PLEKHG1: variants seen among roughly 807,000 people sequenced by gnomAD.
PLEKHG1 encodes pleckstrin homology and RhoGEF domain containing G1, also known as pleckstrin homology domain-containing family G member 1.
Under a neutral mutation model 100.8 loss-of-function variants are expected in PLEKHG1, and 44 were observed. The ratio of observed to expected loss-of-function variants is 0.44; its 90% CI spans 0.34 to 0.56. The LOEUF is 0.56. PLEKHG1 is among the 20% of genes least tolerant of loss of function. PLEKHG1 has a pLI of 0.01. For missense variants in PLEKHG1, 1,545 were observed against 1,720.9 expected, an observed-to-expected ratio of 0.90 and a Z score of 1.81; for synonymous variants, 640 against 662.5, an observed-to-expected ratio of 0.97 and a Z score of 0.52.
chr6:150,655,704 T>A (rs1582894029), intron 3 of PLEKHG1, among the ~76,000 whole-genome samples: 1 of 89,392 alleles, frequency 1.1e-5, no homozygotes. Context: ...TGAGACTCCA[T>A]CTCAAAAAAA....
At chr6:150,749,024 T>G (rs762682319) in intron 2 of PLEKHG1, among the ~76,000 whole-genome samples, 6 of 152,208 alleles carry the variant, frequency 3.9e-5, no homozygotes, top group African/African-American at 7.2e-5. Flanking sequence ...ATTCAGTAAG[T>G]TAATGCACAT....
At position 150,647,217 on chromosome 6, in the gene PLEKHG1, C is replaced by A. The variant is rs531823163; in HGVS notation, c.-157-3511C>A. Among the ~76,000 whole-genome samples the A allele has an allele frequency of 6.6e-5, 10 of 152,318 alleles. No homozygotes were observed. In the East Asian group the frequency reaches 1.7e-3, roughly 26 times the overall value. Reference sequence around the variant, plus strand: ...GCCTAACTCAGACCATTAAAAGCCACTTTACCTAGTCACATAGAATAACAA... The same window carrying A: ...GCCTAACTCAGACCATTAAAAGCCAATTTACCTAGTCACATAGAATAACAA... On this transcript the variant is annotated intron_variant, in intron 2 of 3. Coordinates refer to the PLEKHG1 transcript ENST00000367326.
At chr6:150,723,602 A>G (rs951068313) in intron 1 of PLEKHG1, among the ~76,000 whole-genome samples, 2 of 152,214 alleles carry the variant, frequency 1.3e-5, no homozygotes, top group East Asian at 3.9e-4. Flanking sequence ...CCATCTATAC[A>G]GTTTTCAAAA....
chr6:150,674,297 GT>G (rs1186292209), intron 3 of PLEKHG1, among the ~76,000 whole-genome samples: 1 of 152,070 alleles, frequency 6.6e-6, no homozygotes, highest in Non-Finnish European at 1.5e-5. Flanking sequence ...GTTGAAAAAG[GT>G]TTTTATTGTT....
At position 150,774,518 on chromosome 6, in the gene PLEKHG1, C is replaced by T. The variant is rs116746280; in HGVS notation, c.512+5780C>T. Among the ~76,000 whole-genome samples, 895 of 144,208 alleles carry T rather than the reference C, an allele frequency of 6.2e-3. 13 individuals are homozygous for T. The highest frequency in any genetic ancestry group is 0.022 in the African/African-American group (858 of 39,000). 94.6% of individuals were successfully genotyped at this position (144,208 alleles called of 152,430 possible). On this transcript the variant is annotated intron_variant, in intron 3 of 15. Transcript: ENST00000358517. ...TCACAATGTTTTGTCTATTTAGGCA[C>T]TGATTAGTTTGAATTTTTTTTTTTT...
At chr6:150,743,528 AAAAT>A (rs1191500857) in intron 2 of PLEKHG1, among the ~76,000 whole-genome samples, 3 of 152,178 alleles carry the variant, frequency 2.0e-5, no homozygotes, top group African/African-American at 4.8e-5. Context: ...TCCATCTCAA[AAAAT>A]AAATAAATAA....
At chr6:150,631,024 A>G (rs529156058) in intron 1 of PLEKHG1, among the ~76,000 whole-genome samples, 61 of 152,238 alleles carry the variant, frequency 4.0e-4, no homozygotes, top group Middle Eastern at 3.4e-3. Flanking sequence ...GAGGGGGCCA[A>G]AGTCTGATGA....
chr6:150,808,781 A>AG (rs2128669077), intron 7 of PLEKHG1, among the ~76,000 whole-genome samples: 1 of 152,228 alleles, frequency 6.6e-6, no homozygotes, highest in South Asian at 2.1e-4. Context: ...AAGAAAATCA[A>AG]GGGAAAGAGG....
At chr6:150,782,680 A>G (rs1236757147) in intron 3 of PLEKHG1, among the ~76,000 whole-genome samples, 3 of 152,198 alleles carry the variant, frequency 2.0e-5, no homozygotes, top group Admixed American at 2.0e-4. Context: ...GCTATGTTCT[A>G]TTAAGTTAGA....
chr6:150,714,818 TC>T (rs556258476), intron 3 of PLEKHG1, among the ~76,000 whole-genome samples: 5,890 of 150,042 alleles, frequency 0.039, 216 homozygotes, highest in African/African-American at 0.093. Flanking sequence ...AGAATTTTTT[TC>T]TTTTTTTTTG....
intron 3 of PLEKHG1, among the ~76,000 whole-genome samples, chr6:150,682,082 C>G (rs545303763): frequency 6.6e-6 from 1 of 152,276 alleles, no homozygotes; most frequent in East Asian, 1.9e-4. Context: ...CTAAATTCCC[C>G]CTTCCCCCAC....
chr6:150,809,487 G>C lies in PLEKHG1; in HGVS notation c.1191+11G>C, dbSNP rs1230844266. On this transcript the variant is annotated intron_variant, in intron 9 of 15. Transcript: ENST00000358517. ...CAGCACACAGTCCAGGTAGCAGCCG[G>C]GCCCTGGCCTCTCCGCAAGGCCCCT... 3.7e-6 allele frequency: 6 copies of C among 1,606,942 alleles called. No individual in the cohort carries two copies. The highest frequency in any genetic ancestry group is 1.3e-5 in the African/African-American group (1 of 74,762).
intron 1 of PLEKHG1, chr6:150,721,276 G>A: frequency 1.7e-6 from 1 of 585,834 alleles, no homozygotes; most frequent in Non-Finnish European, 2.2e-6. Flanking sequence ...CAGCCAGAGA[G>A]GTCCACCGAG....
At chr6:150,775,296 G>C (rs1258782411) in intron 3 of PLEKHG1, among the ~76,000 whole-genome samples, 1 of 152,188 alleles carries the variant, frequency 6.6e-6, no homozygotes, top group African/African-American at 2.4e-5. Context: ...TACCTAAACA[G>C]TAATTTGAGC....
intron 2 of PLEKHG1, 24 bp from the exon 2 acceptor site, chr6:150,650,704 A>G (rs1383013803): frequency 1.3e-5 from 2 of 152,174 alleles, no homozygotes; most frequent in Non-Finnish European, 2.9e-5. Context: ...GTAAAAAGCA[A>G]TTTATTTTTT....
At chr6:150,751,597 G>A (rs1328660984) in intron 2 of PLEKHG1, among the ~76,000 whole-genome samples, 2 of 152,020 alleles carry the variant, frequency 1.3e-5, no homozygotes, top group East Asian at 1.9e-4. Flanking sequence ...GAGAGGCCCC[G>A]AGCTCTCACT....
At chr6:150,681,502 CAA>C (rs762515691) in intron 3 of PLEKHG1, among the ~76,000 whole-genome samples, 5 of 120,934 alleles carry the variant, frequency 4.1e-5, no homozygotes, top group Non-Finnish European at 1.8e-5. Context: ...GACTCTGTCT[CAA>C]AAAAAAAAAA....
intron 2 of PLEKHG1, among the ~76,000 whole-genome samples, chr6:150,638,513 T>G (rs978957026): frequency 1.3e-4 from 20 of 152,180 alleles, no homozygotes; most frequent in Admixed American, 6.5e-5. Flanking sequence ...CTCCCTCTCT[T>G]GCCAGGGTCA....
At chr6:150,640,052 G>T (rs1473413570) in intron 2 of PLEKHG1, among the ~76,000 whole-genome samples, 1 of 152,248 alleles carries the variant, frequency 6.6e-6, no homozygotes, top group Non-Finnish European at 1.5e-5. Context: ...CTTGGCCTTG[G>T]GCCCAAATCT....
Sources: gnomAD v4.1 joint callset for allele counts (sites outside exome capture counted in the v4.1 genomes callset) on GRCh38, gnomAD v4.1.1 for gene constraint, MANE v1.5 for transcripts, NCBI Gene and HGNC (gene_info 2026-07-23, HGNC 2026-07-21) for gene names.